The following SORCS1 variants were observed in gnomAD, a reference collection of about 807,000 sequenced individuals.
SORCS1 encodes sortilin related VPS10 domain containing receptor 1, also known as VPS10 domain-containing receptor SorCS1.
Under a neutral mutation model 146.1 loss-of-function variants are expected in SORCS1, and 60 were observed. The ratio of observed to expected loss-of-function variants is 0.41; its 90% confidence interval spans 0.33 to 0.51. The LOEUF is 0.51. Among genes scored for constraint, SORCS1 ranks in the 20% least tolerant of loss-of-function variants. SORCS1 has a pLI of 0.21. For synonymous variants in SORCS1, 637 were observed against 584.0 expected (o/e 1.09, Z -1.31); for missense variants, 1,352 against 1,487.6 (o/e 0.91, Z 1.50).
chr10:106,687,959 G>A (rs1257441494), intron 10 of SORCS1, among the ~76,000 whole-genome samples: 1 of 152,120 alleles, frequency 6.6e-6, no homozygotes, highest in Non-Finnish European at 1.5e-5. Flanking sequence ...GAACTTGGGC[G>A]GGAAACAAGG....
intron 1 of SORCS1, among the ~76,000 whole-genome samples, chr10:107,063,912 T>C (rs1961482962): frequency 6.6e-6 from 1 of 152,186 alleles, no homozygotes; most frequent in South Asian, 2.1e-4. Context: ...CATTTTAAAA[T>C]ACTTGAAATG....
chr10:107,050,477 G>A (rs1959999592), intron 1 of SORCS1, among the ~76,000 whole-genome samples: 1 of 152,106 alleles, frequency 6.6e-6, no homozygotes, highest in South Asian at 2.1e-4. Context: ...TTTGATTGTA[G>A]AACAGTTCAA....
intron 1 of SORCS1, among the ~76,000 whole-genome samples, chr10:107,101,828 T>A: frequency 6.6e-6 from 1 of 152,126 alleles, no homozygotes; most frequent in Non-Finnish European, 1.5e-5. Flanking sequence ...TAAAAATAAC[T>A]GAAATGTCTT....
chr10:106,971,443 T>C (rs1362449974), intron 1 of SORCS1, among the ~76,000 whole-genome samples: 1 of 152,252 alleles, frequency 6.6e-6, no homozygotes, highest in Non-Finnish European at 1.5e-5. Context: ...TTATTGTAAC[T>C]AGCCTCTTGA....
At chr10:107,025,068 A>G (rs1411621505) in intron 1 of SORCS1, among the ~76,000 whole-genome samples, 2 of 152,324 alleles carry the variant, frequency 1.3e-5, no homozygotes, top group East Asian at 1.9e-4. Context: ...GTTACCAGTA[A>G]TATTAATTAT....
At chr10:106,718,917 G>A (rs1026424049) in intron 6 of SORCS1, among the ~76,000 whole-genome samples, 2 of 150,902 alleles carry the variant, frequency 1.3e-5, no homozygotes, top group African/African-American at 2.4e-5. Flanking sequence ...GACACAGACC[G>A]CTGATGGGTG....
intron 1 of SORCS1, among the ~76,000 whole-genome samples, chr10:106,999,278 C>T (rs965479956): frequency 6.6e-6 from 1 of 152,116 alleles, no homozygotes; most frequent in African/African-American, 2.4e-5. Context: ...CAGATGCACA[C>T]ACACAAATAG....
chr10:106,904,090 T>C (rs1235257877), intron 2 of SORCS1, among the ~76,000 whole-genome samples: 1 of 152,232 alleles, frequency 6.6e-6, no homozygotes, highest in Non-Finnish European at 1.5e-5. Context: ...AAGTTGCTAC[T>C]GAAATCATAG....
chr10:107,138,016 T>A (rs1360288984), intron 1 of SORCS1, among the ~76,000 whole-genome samples: 1 of 152,254 alleles, frequency 6.6e-6, no homozygotes. Flanking sequence ...GCCTTCTATA[T>A]GTGTTAAATG....
intron 5 of SORCS1, among the ~76,000 whole-genome samples, chr10:106,742,643 G>C (rs1857443370): frequency 6.6e-6 from 1 of 152,154 alleles, no homozygotes; most frequent in South Asian, 2.1e-4. Context: ...GCCTCCCAAA[G>C]TGCTGGGATT....
intron 3 of SORCS1, among the ~76,000 whole-genome samples, chr10:106,800,087 C>A (rs566320552): frequency 2.9e-4 from 44 of 152,248 alleles, no homozygotes; most frequent in Admixed American, 2.5e-3. Flanking sequence ...CCCTATTTTT[C>A]TACAACTTAG....
At chr10:106,694,745 T>C (rs1234929394) in intron 9 of SORCS1, among the ~76,000 whole-genome samples, 1 of 152,196 alleles carries the variant, frequency 6.6e-6, no homozygotes, top group Non-Finnish European at 1.5e-5. Flanking sequence ...TAACAGAACA[T>C]GCCCTGGTCA....
At chr10:106,835,659 T>C (rs1396793058) in intron 2 of SORCS1, among the ~76,000 whole-genome samples, 2 of 152,224 alleles carry the variant, frequency 1.3e-5, no homozygotes, top group Non-Finnish European at 2.9e-5. Flanking sequence ...CACACTCTGC[T>C]TCTATAATAA....
At chr10:107,085,041 C>A (rs1334418331) in intron 1 of SORCS1, among the ~76,000 whole-genome samples, 1 of 152,138 alleles carries the variant, frequency 6.6e-6, no homozygotes, top group African/African-American at 2.4e-5. Flanking sequence ...GCCCTCAAAG[C>A]TTTTGTTTTA....
rs766818370 is a variant in SORCS1, at chr10:106,970,336, C to CTTTTTTTTTTTTTTTT, written c.559-13772_559-13757dup. Among the ~76,000 whole-genome samples the CTTTTTTTTTTTTTTTT allele has an allele frequency of 7.6e-4, 68 of 89,422 alleles. 5 individuals are homozygous for CTTTTTTTTTTTTTTTT. Among genetic ancestry groups the CTTTTTTTTTTTTTTTT allele is most frequent in the Admixed American group, 9.2e-4 (7 of 7,628 alleles). 58.7% of individuals were successfully genotyped at this position (89,422 alleles called of 152,430 possible). ...TTCCCTCCAAATGTAACCAACATCT[C>CTTTTTTTTTTTTTTTT]TTTTTTTTTTTTTTTTTTTGAGATG... On this transcript the variant is annotated intron_variant, in intron 1 of 25. Transcript: ENST00000263054.
At chr10:106,814,423 T>C (rs963189395) in intron 3 of SORCS1, among the ~76,000 whole-genome samples, 6 of 152,136 alleles carry the variant, frequency 3.9e-5, no homozygotes, top group African/African-American at 1.4e-4. Flanking sequence ...TAAACTATGA[T>C]AGAAGAACAT....
intron 12 of SORCS1, among the ~76,000 whole-genome samples, chr10:106,677,609 G>A (rs937054711): frequency 2.0e-5 from 3 of 152,148 alleles, no homozygotes; most frequent in Non-Finnish European, 4.4e-5. Context: ...TTTTAGGTGT[G>A]TATAAAATAA....
At chr10:106,759,268 T>C (rs1160895596) in intron 5 of SORCS1, among the ~76,000 whole-genome samples, 1 of 152,202 alleles carries the variant, frequency 6.6e-6, no homozygotes, top group African/African-American at 2.4e-5. Flanking sequence ...CAAGAGGAGA[T>C]ACTTTCACTG....
chr10:107,071,079 G>C (rs183064927), intron 1 of SORCS1, among the ~76,000 whole-genome samples: 1 of 152,134 alleles, frequency 6.6e-6, no homozygotes, highest in African/African-American at 2.4e-5. Context: ...CTGGGCACAC[G>C]ACAGTGACCG....
Sources: allele counts gnomAD v4.1 joint callset (sites outside exome capture counted in the v4.1 genomes callset), GRCh38; gene constraint gnomAD v4.1.1; transcripts MANE v1.5; gene names NCBI Gene and HGNC (gene_info 2026-07-23, HGNC 2026-07-21).